Variants in SAMD11 observed in about 807,000 individuals in gnomAD.
SAMD11 encodes the protein sterile alpha motif domain-containing protein 11.
SAMD11 carries 77 observed loss-of-function variants against 64.4 expected under a neutral mutation model. That is an observed-to-expected ratio of 1.20 (90% CI 0.99 to 1.44). SAMD11 has a LOEUF of 1.44. Ranked by LOEUF, SAMD11 falls within the 40% of genes most tolerant of loss-of-function variation. The pLI is 0.00. For synonymous variants in SAMD11, 658 were observed against 421.9 expected, an observed-to-expected ratio of 1.56 and a Z score of -6.86; for missense variants, 1,402 against 943.3, an observed-to-expected ratio of 1.49 and a Z score of -6.37.
At chr1:941,978 C>T in intron 8 of SAMD11, 158 bp from the exon 9 acceptor site, 1 of 372,554 alleles carries the variant, frequency 2.7e-6, no homozygotes, top group Non-Finnish European at 4.8e-6. Flanking sequence ...TTGGCGCCGC[C>T]GGCGGGGGCG....
intron 4 of SAMD11, among the ~76,000 whole-genome samples, chr1:932,085 A>G (rs1405964732): frequency 1.3e-5 from 2 of 152,238 alleles, no homozygotes; most frequent in African/African-American, 2.4e-5. Context: ...TGGATCTCAG[A>G]GCCGAATTAC....
intron 8 of SAMD11, among the ~76,000 whole-genome samples, chr1:941,859 C>G (rs1641789272): frequency 6.6e-6 from 1 of 152,130 alleles, no homozygotes; most frequent in African/African-American, 2.4e-5. Flanking sequence ...CCCCGCCGCT[C>G]GGGTCCGCAG....
Position 925,827 on chromosome 1 carries a change from C to A in SAMD11, c.518-95C>A. 4 of 872,556 alleles carry A rather than the reference C, an allele frequency of 4.6e-6. No individual in the cohort carries two copies. The East Asian group carries it at 9.8e-5, about 21-fold the overall frequency. The allele number at this position is 872,556 out of a possible 1,614,324, so 54.1% of individuals were successfully genotyped here. A position where few individuals can be genotyped will look rare whatever the true frequency, so the allele number is the denominator to read the frequency against. ...TGGGTGTGGGGTTCGGGGTGTATTTCGTCCACGAGCCGGGGAGGGGGTACT... is the reference window on the plus strand; with the variant it reads ...TGGGTGTGGGGTTCGGGGTGTATTTAGTCCACGAGCCGGGGAGGGGGTACT... On this transcript the variant is annotated intron_variant, in intron 1 of 13. Coordinates refer to ENST00000616016, the MANE Select transcript of SAMD11 (RefSeq NM_001385641.1).
At position 930,159 on chromosome 1, in the gene SAMD11, G is replaced by T; in HGVS notation, c.614G>T (p.Arg205Leu). ...CCTCTCCTCCTGCCCCACCAGAACC[G>T]GGGGCGGCTGGCAGACAAGAGGACA... ...PGCRISSPVN[R>L]GRLADKRTVA... The change falls in exon 3 of 14, where the codon CGG becomes CTG. Residue 205 changes from arginine (R) to leucine (L), a missense_variant. Coordinates refer to ENST00000616016, the MANE Select transcript of SAMD11 (RefSeq NM_001385641.1). 1 of 1,554,082 alleles carries T rather than the reference G, an allele frequency of 6.4e-7. No individual in the cohort carries two copies. Among genetic ancestry groups the T allele is most frequent in the South Asian group, 1.2e-5 (1 of 84,482 alleles).
chr1:935,039 C>G (rs963029057), intron 4 of SAMD11, among the ~76,000 whole-genome samples: 1 of 152,006 alleles, frequency 6.6e-6, no homozygotes, highest in South Asian at 2.1e-4. Context: ...GAGAGGCTCA[C>G]GGAACCGGGA....
At chr1:933,285 GAA>G (rs1358988290) in intron 4 of SAMD11, among the ~76,000 whole-genome samples, 1 of 152,222 alleles carries the variant, frequency 6.6e-6, no homozygotes, top group Non-Finnish European at 1.5e-5. Context: ...CAAGTGACCA[GAA>G]CAGGTTTTCA....
intron 7 of SAMD11, 181 bp downstream of exon 7, chr1:939,593 C>T: frequency 8.6e-7 from 1 of 1,158,598 alleles, no homozygotes. Context: ...CGTCCTGCCC[C>T]ATGCCCCCTG....
intron 5 of SAMD11, among the ~76,000 whole-genome samples, chr1:938,071 C>T (rs1190571462): frequency 6.6e-6 from 1 of 151,970 alleles, no homozygotes; most frequent in African/African-American, 2.4e-5. Context: ...GGGCCAGAGT[C>T]GGAGGCACTG....
intron 5 of SAMD11, 103 bp from the exon 6 acceptor site, chr1:938,937 C>A: frequency 9.8e-7 from 1 of 1,016,768 alleles, no homozygotes. Flanking sequence ...GGACCAAGGG[C>A]CCCCTGAGAG....
rs1488259799 is a variant in SAMD11 at position 932,273 on chromosome 1, G to T, written c.842+1184G>T. ...ACCCAGCCGCGGTCCCCCCGACCCCGCTCCAGTAACGGCTCCTCCTGCCTG... is the reference window on the plus strand; with the variant it reads ...ACCCAGCCGCGGTCCCCCCGACCCCTCTCCAGTAACGGCTCCTCCTGCCTG... On this transcript the variant is annotated intron_variant, in intron 4 of 13. Coordinates refer to ENST00000616016, the MANE Select transcript of SAMD11 (RefSeq NM_001385641.1). Among the ~76,000 whole-genome samples the T allele has an allele frequency of 2.0e-5, 3 of 152,264 alleles. No homozygotes were observed. In the South Asian group the frequency reaches 6.2e-4, roughly 32 times the overall value.
intron 7 of SAMD11, chr1:940,252 G>GCGCCGGC (rs1000217911): frequency 6.6e-6 from 1 of 150,756 alleles, no homozygotes; most frequent in African/African-American, 2.4e-5. Context: ...CGGGGGAGGG[G>GCGCCGGC]CGCCGGCCGC....
Position 925,921 on chromosome 1 carries a change from G to C in SAMD11, c.518-1G>C. 1 of 1,609,432 alleles carries C rather than the reference G, an allele frequency of 6.2e-7. No individual in the cohort carries two copies. Among genetic ancestry groups the C allele is most frequent in the Non-Finnish European group, 8.5e-7 (1 of 1,178,380 alleles). On this transcript the variant is annotated splice_acceptor_variant, in intron 1 of 13. Coordinates refer to ENST00000616016, the MANE Select transcript of SAMD11 (RefSeq NM_001385641.1). LOFTEE classifies it high-confidence loss of function. ...AGGGTCTGCCTCGGCTCTGCTCGCA[G>C]GGAAAAGTCTGAAGACGCTTATGTC...
intron 1 of SAMD11, 37 bp from the exon 2 acceptor site, chr1:925,885 C>T (rs377702859): frequency 2.2e-5 from 33 of 1,486,308 alleles, no homozygotes; most frequent in Admixed American, 3.3e-5. Flanking sequence ...AGAAGCGTGC[C>T]GCTCCCTCAC....
At position 939,067 on chromosome 1, in the gene SAMD11, G is replaced by A. The variant is rs374848064; in HGVS notation, c.995G>A (p.Arg332His). 90 of 1,604,838 alleles carry A rather than the reference G, an allele frequency of 5.6e-5. No homozygotes were observed. The highest frequency in any genetic ancestry group is 3.3e-4 in the Middle Eastern group (2 of 6,074). The change falls in exon 6 of 14, where the codon CGC becomes CAC. Residue 332 changes from arginine (R) to histidine (H), a missense_variant. Coordinates refer to ENST00000616016, the MANE Select transcript of SAMD11 (RefSeq NM_001385641.1). ...GACCTGTTGGGCAAGAGGCTGGGCC[G>A]CTCCCCCCGTATCAGCAGCGACTGC... ...AGDLLGKRLG[R>H]SPRISSDCFS...
intron 2 of SAMD11, among the ~76,000 whole-genome samples, chr1:929,281 C>T (rs185388742): frequency 3.9e-5 from 6 of 152,168 alleles, no homozygotes; most frequent in East Asian, 1.9e-4. Flanking sequence ...TGCTCCCACC[C>T]GAGGCACCCA....
At chr1:935,958 C>T (rs939812957) in intron 5 of SAMD11, 62 bp downstream of exon 5, 8 of 1,537,852 alleles carry the variant, frequency 5.2e-6, no homozygotes, top group Non-Finnish European at 6.2e-6. Context: ...ACGGTGGCGT[C>T]TCCACTCAGC....
Position 942,836 on chromosome 1 carries a change from AAGG to A in SAMD11, c.1834_1836del (p.Glu612del). The A allele has an allele frequency of 6.4e-7, 1 of 1,550,578 alleles. No homozygotes were observed. The highest frequency in any genetic ancestry group is 2.0e-5 in the Admixed American group (1 of 51,104). On this transcript the variant is annotated inframe_deletion, in exon 11 of 14. Coordinates refer to ENST00000616016, the MANE Select transcript of SAMD11 (RefSeq NM_001385641.1). ...TGCCTCAGCGCGGCCCAGCGAGTCC[AAGG>A]AGATGACGGGGGCTAGGCTCTGGGC...
chr1:932,986 T>G (rs578041639), intron 4 of SAMD11, among the ~76,000 whole-genome samples: 58 of 152,318 alleles, frequency 3.8e-4, no homozygotes, highest in African/African-American at 1.4e-3. Context: ...CGTGGGCAGC[T>G]GGGGTCACAC....
At chr1:929,228 G>A (rs572158069) in intron 2 of SAMD11, among the ~76,000 whole-genome samples, 19 of 152,334 alleles carry the variant, frequency 1.2e-4, no homozygotes, top group South Asian at 2.1e-4. Context: ...GCGTCAGCTC[G>A]GGGCTCGGCT....
Sources: allele counts gnomAD v4.1 joint callset (sites outside exome capture counted in the v4.1 genomes callset), GRCh38; gene constraint gnomAD v4.1.1; transcripts MANE v1.5; gene names NCBI Gene and HGNC (gene_info 2026-07-23, HGNC 2026-07-21).